Variants in MTUS2 observed in about 807,000 individuals in gnomAD.
MTUS2 encodes the protein microtubule-associated tumor suppressor candidate 2.
In MTUS2, 40 loss-of-function variants were observed where a neutral mutation model predicts 114.1. That is an observed-to-expected ratio of 0.35 (90% CI 0.27 to 0.46). The LOEUF is 0.46. Ranked by LOEUF, MTUS2 falls within the 20% of genes least tolerant of loss-of-function variation. MTUS2 has a pLI of 1.00. For synonymous variants in MTUS2, 688 were observed against 672.0 expected (o/e 1.02, Z -0.37); for missense variants, 1,679 against 1,705.4 (o/e 0.98, Z 0.27).
At chr13:29,183,537 A>G (rs2139167300) in intron 5 of MTUS2, among the ~76,000 whole-genome samples, 1 of 152,358 alleles carries the variant, frequency 6.6e-6, no homozygotes. Context: ...CTGTGAGCCA[A>G]TAGATGGAAT....
At chr13:29,402,240 C>G (rs374405292) in intron 8 of MTUS2, among the ~76,000 whole-genome samples, 190 of 152,214 alleles carry the variant, frequency 1.2e-3, no homozygotes, top group African/African-American at 4.3e-3. Flanking sequence ...CCCCACCACT[C>G]TAGGCTCTAC....
intron 9 of MTUS2, among the ~76,000 whole-genome samples, chr13:29,459,494 G>T (rs1241758579): frequency 2.0e-5 from 3 of 151,880 alleles, no homozygotes; most frequent in Non-Finnish European, 4.4e-5. Context: ...CCCTACCCTT[G>T]CCCCTAAGTC....
intron 14 of MTUS2, 50 bp downstream of exon 14, chr13:29,498,587 G>C: frequency 6.2e-7 from 1 of 1,609,964 alleles, no homozygotes; most frequent in Non-Finnish European, 8.5e-7. Context: ...CATTCCTGCT[G>C]TCATCACTGA....
At chr13:29,024,314 T>C (rs542072614) in intron 2 of MTUS2, 143 bp from the exon 3 acceptor site, 1 of 211,298 alleles carries the variant, frequency 4.7e-6, no homozygotes, top group Non-Finnish European at 9.5e-6. Context: ...GGAGGAGCCC[T>C]GATCAGAAAG....
At chr13:28,933,479 T>C (rs1046007355) in intron 2 of MTUS2, among the ~76,000 whole-genome samples, 3 of 152,248 alleles carry the variant, frequency 2.0e-5, no homozygotes, top group African/African-American at 2.4e-5. Flanking sequence ...ATTGATCATA[T>C]GTGTTAATCC....
intron 2 of MTUS2, among the ~76,000 whole-genome samples, chr13:29,021,573 C>G (rs928885982): frequency 1.3e-5 from 2 of 152,288 alleles, no homozygotes; most frequent in African/African-American, 4.8e-5. Context: ...GAAGAGGGCT[C>G]TTGGCTGCAT....
chr13:28,870,527 T>G (rs1018486329), intron 2 of MTUS2, among the ~76,000 whole-genome samples: 2 of 152,172 alleles, frequency 1.3e-5, no homozygotes, highest in Non-Finnish European at 2.9e-5. Context: ...CTGCCCAGGT[T>G]ATGGATATCT....
At chr13:29,094,635 T>C (rs1271509282) in intron 4 of MTUS2, among the ~76,000 whole-genome samples, 2 of 152,104 alleles carry the variant, frequency 1.3e-5, no homozygotes, top group African/African-American at 4.8e-5. Flanking sequence ...ACTAGGATTT[T>C]GTTTTCATTG....
rs1892967535 is a variant in MTUS2 at position 29,158,504 on chromosome 13, C to A, written c.2644+57534C>A. Reference sequence around the variant, plus strand: ...ATCAGGACCACAGTGAGAGCTGGACCCAGAAAGAACAGACTATAGCAATTC... The same window carrying A: ...ATCAGGACCACAGTGAGAGCTGGACACAGAAAGAACAGACTATAGCAATTC... On this transcript the variant is annotated intron_variant, in intron 5 of 15. Transcript: ENST00000612955. 2.0e-5 allele frequency among the ~76,000 whole-genome samples: 3 copies of A among 151,362 alleles called. No homozygotes were observed. The South Asian group carries it at 6.3e-4, about 32-fold the overall frequency.
intron 2 of MTUS2, among the ~76,000 whole-genome samples, chr13:28,994,182 T>G (rs188414546): frequency 0.017 from 2,612 of 152,050 alleles, 73 homozygotes; most frequent in African/African-American, 0.059. Flanking sequence ...ATAGTTTGCT[T>G]AGAATGATGG....
At position 29,484,819 on chromosome 13, in the gene MTUS2, T is replaced by C. The variant is rs1881475606; in HGVS notation, c.3400-3081T>C. On this transcript the variant is annotated intron_variant, in intron 10 of 15. Transcript: ENST00000612955. ...AGTGACTTGCCAAAGCCCTAGATCA[T>C]TGCATTTTGTAAATGGCTAAATGAA... The C allele has an allele frequency of 2.6e-5, 4 of 152,382 alleles. No homozygotes were observed. The South Asian group carries it at 8.3e-4, about 32-fold the overall frequency. 9.4% of individuals were successfully genotyped at this position (152,382 alleles called of 1,614,324 possible). A position where few individuals can be genotyped will look rare whatever the true frequency, so the allele number is the denominator to read the frequency against.
chr13:28,994,945 C>A (rs1885028073), intron 2 of MTUS2, among the ~76,000 whole-genome samples: 1 of 152,018 alleles, frequency 6.6e-6, no homozygotes, highest in Non-Finnish European at 1.5e-5. Context: ...GTTGCCATTG[C>A]TTTTGGTGTT....
At chr13:29,345,853 G>T (rs1220004390) in intron 7 of MTUS2, among the ~76,000 whole-genome samples, 3 of 152,052 alleles carry the variant, frequency 2.0e-5, no homozygotes, top group Non-Finnish European at 2.9e-5. Flanking sequence ...GTGCTCCCTT[G>T]ATGTGGTGTT....
chr13:29,363,933 G>A (rs1370081495), intron 8 of MTUS2, among the ~76,000 whole-genome samples: 2 of 152,130 alleles, frequency 1.3e-5, no homozygotes, highest in Non-Finnish European at 2.9e-5. Flanking sequence ...CTCATGTGAT[G>A]CCTGGGGAAA....
At chr13:29,348,064 A>G (rs2138160567) in intron 7 of MTUS2, among the ~76,000 whole-genome samples, 1 of 151,836 alleles carries the variant, frequency 6.6e-6, no homozygotes, top group Admixed American at 6.6e-5. Flanking sequence ...TACTTTAGGG[A>G]TTTTTATAAG....
chr13:28,997,634 C>T (rs1566279903), intron 2 of MTUS2, among the ~76,000 whole-genome samples: 1 of 152,090 alleles, frequency 6.6e-6, no homozygotes, highest in Non-Finnish European at 1.5e-5. Flanking sequence ...GATCCCTTTA[C>T]CATTATGTAA....
At chr13:29,002,682 G>T (rs936584236) in intron 2 of MTUS2, among the ~76,000 whole-genome samples, 1 of 152,280 alleles carries the variant, frequency 6.6e-6, no homozygotes, top group South Asian at 2.1e-4. Context: ...CCATTAGATC[G>T]TCATGCTGAG....
At chr13:29,228,233 T>TTC in intron 5 of MTUS2, among the ~76,000 whole-genome samples, 1 of 152,324 alleles carries the variant, frequency 6.6e-6, no homozygotes, top group East Asian at 1.9e-4. Flanking sequence ...TGGAATACTG[T>TTC]ACAGACATTA....
At chr13:29,345,855 TGTG>T (rs1868625865) in intron 7 of MTUS2, among the ~76,000 whole-genome samples, 1 of 152,056 alleles carries the variant, frequency 6.6e-6, no homozygotes, top group Non-Finnish European at 1.5e-5. Flanking sequence ...GCTCCCTTGA[TGTG>T]GTGTTCTCCT....
Sources: allele counts gnomAD v4.1 joint callset (sites outside exome capture counted in the v4.1 genomes callset), GRCh38; gene constraint gnomAD v4.1.1; transcripts MANE v1.5; gene names NCBI Gene and HGNC (gene_info 2026-07-23, HGNC 2026-07-21).